The following EXOC1 variants were observed in gnomAD, a reference collection of about 807,000 sequenced individuals.
EXOC1 encodes exocyst complex component 1.
In EXOC1, 67 loss-of-function variants were observed where a neutral mutation model predicts 107.7. That is an observed-to-expected ratio of 0.62 (90% CI 0.51 to 0.76). EXOC1 has a LOEUF of 0.76. Among genes scored for constraint, EXOC1 ranks in the 30% least tolerant of loss-of-function variants. EXOC1 has a pLI of 0.00. For synonymous variants in EXOC1, 348 were observed against 353.5 expected, an observed-to-expected ratio of 0.98 and a Z score of 0.17; for missense variants, 833 against 1,055.7, an observed-to-expected ratio of 0.79 and a Z score of 2.92.
Position 55,899,685 on chromosome 4 carries a change from T to A in EXOC1, c.2138T>A (p.Val713Glu), listed in dbSNP as rs774169753. ...TKLIRGVFVN[V>E]EKVANESQKT... ...TTTATTTTTTCTGTTTTGGTTTTAG[T>A]GGAGAAAGTAGCAAATGAAAGCCAG... The change falls in exon 17 of 19, where the codon GTG (valine) becomes GAG (glutamate). Residue 713 changes from valine to glutamate, a missense_variant and splice_region_variant. Coordinates refer to ENST00000381295, the MANE Select transcript of EXOC1 (RefSeq NM_001024924.2). The A allele has an allele frequency of 5.0e-6, 8 of 1,607,966 alleles. No homozygotes were observed. Among genetic ancestry groups the A allele is most frequent in the Non-Finnish European group, 6.8e-6 (8 of 1,177,838 alleles).
At chr4:55,856,006 G>A (rs1296953382) in intron 1 of EXOC1, among the ~76,000 whole-genome samples, 2 of 152,200 alleles carry the variant, frequency 1.3e-5, no homozygotes, top group African/African-American at 4.8e-5. Flanking sequence ...CATTTGCAGA[G>A]CGGGAGGAGG....
rs552463782 is a variant in EXOC1 at position 55,853,675 on chromosome 4, A to C, written c.-289A>C. The C allele has an allele frequency of 6.6e-6, 1 of 152,338 alleles. No homozygotes were observed. Among genetic ancestry groups the C allele is most frequent in the Non-Finnish European group, 1.5e-5 (1 of 68,054 alleles). The allele number at this position is 152,338 out of a possible 1,614,324, so 9.4% of individuals were successfully genotyped here. A position where few individuals can be genotyped will look rare whatever the true frequency, so the allele number is the denominator to read the frequency against. ...GTTTGTCACGTGCCCGGATATAGGA[A>C]GTGTTGGGGGAACGGCCGCTTCCCG... is the stretch of plus-strand genomic sequence containing the variant. On this transcript the variant is annotated 5_prime_UTR_variant, in exon 1 of 19. Coordinates refer to ENST00000381295, the MANE Select transcript of EXOC1 (RefSeq NM_001024924.2).
intron 1 of EXOC1, 102 bp from the exon 2 acceptor site, chr4:55,858,212 C>T: frequency 3.3e-6 from 4 of 1,208,838 alleles, no homozygotes; most frequent in South Asian, 2.1e-5. Flanking sequence ...ATCATTTTTC[C>T]TAGGCTTGTT....
At chr4:55,893,064 A>AT (rs1255256481) in intron 14 of EXOC1, among the ~76,000 whole-genome samples, 4 of 152,322 alleles carry the variant, frequency 2.6e-5, no homozygotes, top group Non-Finnish European at 4.4e-5. Context: ...TCAGTAAAAT[A>AT]TTTTTATATC....
intron 2 of EXOC1, among the ~76,000 whole-genome samples, chr4:55,858,818 A>G (rs1263709555): frequency 6.6e-6 from 1 of 151,880 alleles, no homozygotes; most frequent in African/African-American, 2.4e-5. Flanking sequence ...CTGGTTATCA[A>G]CCTTTTGTTG....
chr4:55,862,922 A>G (rs940624649), intron 3 of EXOC1, among the ~76,000 whole-genome samples: 23 of 151,992 alleles, frequency 1.5e-4, no homozygotes, highest in African/African-American at 5.1e-4. Context: ...TTGTTTTGAG[A>G]CAGGGTCTCA....
At chr4:55,862,226 C>G (rs1053629058) in intron 3 of EXOC1, among the ~76,000 whole-genome samples, 1 of 152,136 alleles carries the variant, frequency 6.6e-6, no homozygotes, top group Non-Finnish European at 1.5e-5. Flanking sequence ...CACTTCGTAA[C>G]CCTGTTGACT....
At chr4:55,871,003 A>G (rs1055191755) in intron 6 of EXOC1, 98 bp downstream of exon 6, 1 of 1,549,896 alleles carries the variant, frequency 6.5e-7, no homozygotes, top group African/African-American at 1.4e-5. Flanking sequence ...AACAGGATTT[A>G]AAATAATTCC....
chr4:55,856,707 G>T (rs972124558), intron 1 of EXOC1, among the ~76,000 whole-genome samples: 1 of 152,084 alleles, frequency 6.6e-6, no homozygotes, highest in Non-Finnish European at 1.5e-5. Context: ...ACACAAATAT[G>T]TATATGAAAA....
intron 8 of EXOC1, among the ~76,000 whole-genome samples, chr4:55,872,355 C>G (rs1722519447): frequency 6.6e-6 from 1 of 150,518 alleles, no homozygotes; most frequent in South Asian, 2.1e-4. Flanking sequence ...TTTGTAAGTT[C>G]TATGTACTTA....
chr4:55,882,133 T>TGTTTTTGTTTTC lies in EXOC1; in HGVS notation c.1225-1678_1225-1667dup, dbSNP rs1723455726. On this transcript the variant is annotated intron_variant, in intron 9 of 18. Transcript: ENST00000381295. ...GTTGTTGTTGTATTGTGTTTTGTTT[T>TGTTTTTGTTTTC]GTTTTTGTTTTCGTTTTTGTTTTTT... Among the ~76,000 whole-genome samples, 3 of 152,224 alleles carry TGTTTTTGTTTTC rather than the reference T, an allele frequency of 2.0e-5. No individual in the cohort carries two copies. The East Asian group carries it at 5.8e-4, about 29-fold the overall frequency.
intron 11 of EXOC1, among the ~76,000 whole-genome samples, 174 bp downstream of exon 11, chr4:55,889,106 T>C (rs1007754474): frequency 1.3e-5 from 2 of 152,172 alleles, no homozygotes; most frequent in East Asian, 3.8e-4. Flanking sequence ...AAGAAATATA[T>C]GATATAGTTA....
intron 11 of EXOC1, 119 bp from the exon 12 acceptor site, chr4:55,890,104 C>A: frequency 1.1e-6 from 1 of 910,562 alleles, no homozygotes; most frequent in Non-Finnish European, 1.7e-6. Flanking sequence ...GATTTGTGCA[C>A]TAACTAATAT....
At chr4:55,878,165 C>A in intron 9 of EXOC1, 99 bp downstream of exon 9, 1 of 1,323,362 alleles carries the variant, frequency 7.6e-7, no homozygotes, top group Non-Finnish European at 1.0e-6. Flanking sequence ...TACTGTAGTA[C>A]ATTCTTAGCA....
chr4:55,876,215 C>T (rs1722883231), intron 8 of EXOC1: 2 of 985,138 alleles, frequency 2.0e-6, no homozygotes, highest in South Asian at 9.4e-5. Flanking sequence ...AGAATTGTTC[C>T]ATTCTTCAAC....
At chr4:55,864,179 TA>T in intron 3 of EXOC1, 47 bp from the exon 4 acceptor site, 1 of 1,254,992 alleles carries the variant, frequency 8.0e-7, no homozygotes, top group Non-Finnish European at 1.1e-6. Context: ...ATTAACAATG[TA>T]AAAGGATGTG....
intron 11 of EXOC1, among the ~76,000 whole-genome samples, chr4:55,889,408 T>C (rs1360622345): frequency 1.3e-5 from 2 of 152,200 alleles, no homozygotes; most frequent in Non-Finnish European, 2.9e-5. Context: ...CACATTTTCT[T>C]CTAAAAATCA....
chr4:55,882,516 G>C (rs1577731962), intron 9 of EXOC1, among the ~76,000 whole-genome samples: 1 of 152,076 alleles, frequency 6.6e-6, no homozygotes, highest in Admixed American at 6.6e-5. Context: ...ATTTATATTT[G>C]CTTTTAAAGT....
At chr4:55,887,811 C>G (rs2109442044) in intron 10 of EXOC1, among the ~76,000 whole-genome samples, 1 of 152,072 alleles carries the variant, frequency 6.6e-6, no homozygotes, top group Non-Finnish European at 1.5e-5. Flanking sequence ...CTTAAGGCAC[C>G]AGAAAGTACT....
Sources: gnomAD v4.1 joint callset for allele counts (sites outside exome capture counted in the v4.1 genomes callset) on GRCh38, gnomAD v4.1.1 for gene constraint, MANE v1.5 for transcripts, NCBI Gene and HGNC (gene_info 2026-07-23, HGNC 2026-07-21) for gene names.